PDE4DIP: variants seen among roughly 807,000 people sequenced by gnomAD.
PDE4DIP encodes the protein phosphodiesterase 4D interacting protein, also known as myomegalin.
A neutral mutation model predicts 221.4 loss-of-function variants in PDE4DIP; 59 were observed. That is an observed-to-expected ratio of 0.27 (90% CI 0.22 to 0.33). The LOEUF (loss-of-function observed/expected upper bound fraction) is 0.33, where lower values mean the gene tolerates loss of function less well. Among genes scored for constraint, PDE4DIP ranks in the 10% least tolerant of loss-of-function variants. The pLI is 1.00. For missense variants in PDE4DIP, 1,036 were observed against 2,154.2 expected, an observed-to-expected ratio of 0.48 and a Z score of 10.28; for synonymous variants, 404 against 815.9, an observed-to-expected ratio of 0.50 and a Z score of 8.60.
chr1:148,934,280 C>G (rs1314771199), intron 4 of PDE4DIP, among the ~76,000 whole-genome samples: 1 of 151,960 alleles, frequency 6.6e-6, no homozygotes, highest in East Asian at 1.9e-4. Flanking sequence ...ATTTTCCCTA[C>G]TAGGTTCCCC....
intron 1 of PDE4DIP, among the ~76,000 whole-genome samples, chr1:148,924,119 C>T (rs1462769180): frequency 1.3e-5 from 2 of 152,170 alleles, no homozygotes; most frequent in South Asian, 2.1e-4. Flanking sequence ...AAATATGAAG[C>T]ATTTACACGG....
intron 4 of PDE4DIP, 107 bp from the exon 8 acceptor site, chr1:148,937,640 T>C: frequency 1.6e-6 from 1 of 618,888 alleles, no homozygotes; most frequent in Admixed American, 2.6e-5. Flanking sequence ...TCCAAAAGGA[T>C]AAAAACCTGC....
At chr1:149,017,505 C>G (rs1183961139) in intron 33 of PDE4DIP, 17 of 417,854 alleles carry the variant, frequency 4.1e-5, no homozygotes, top group Admixed American at 3.6e-4. Flanking sequence ...TCTCACAAGA[C>G]CCCTGTGTGG....
chr1:149,021,871 TC>T (rs1201458781), intron 37 of PDE4DIP: 12 of 142,834 alleles, frequency 8.4e-5, no homozygotes, highest in Non-Finnish European at 1.7e-4. Flanking sequence ...GAAATAATAA[TC>T]TAATATTTGA....
chr1:148,987,295 A>G (rs2062079798), intron 21 of PDE4DIP, among the ~76,000 whole-genome samples: 1 of 152,150 alleles, frequency 6.6e-6, no homozygotes, highest in Non-Finnish European at 1.5e-5. Flanking sequence ...ACTATGGAGG[A>G]CTATATGGAA....
At chr1:148,934,778 A>C (rs1486458655) in intron 4 of PDE4DIP, among the ~76,000 whole-genome samples, 1 of 151,436 alleles carries the variant, frequency 6.6e-6, no homozygotes, top group Non-Finnish European at 1.5e-5. Context: ...TAATTTTTGT[A>C]TTTTTAGTAG....
chr1:148,963,233 A>G (rs1341967039), intron 9 of PDE4DIP, among the ~76,000 whole-genome samples: 11 of 152,220 alleles, frequency 7.2e-5, no homozygotes, highest in Admixed American at 7.2e-4. Context: ...TGTAATTTGT[A>G]TGTAAACCTT....
chr1:148,972,518 T>C, exon 16 of PDE4DIP: 1 of 563,882 alleles, frequency 1.8e-6, no homozygotes, highest in Non-Finnish European at 3.1e-6. Context: ...TAGGGTTCAA[T>C]GCAGATACCT....
At chr1:148,821,024 C>T (rs12088594) in intron 1 of PDE4DIP, among the ~76,000 whole-genome samples, 1 of 150,216 alleles carries the variant, frequency 6.7e-6, no homozygotes, top group Non-Finnish European at 1.5e-5. Context: ...GCTAATTTTT[C>T]GTATTTTCAG....
chr1:148,956,207 T>C (rs2055280793), intron 5 of PDE4DIP, among the ~76,000 whole-genome samples: 1 of 152,062 alleles, frequency 6.6e-6, no homozygotes, highest in African/African-American at 2.4e-5. Flanking sequence ...AAAAAATGTT[T>C]CCTTTAGTTC....
intron 32 of PDE4DIP, among the ~76,000 whole-genome samples, chr1:149,014,029 T>C (rs1698602): frequency 2.0e-5 from 3 of 152,052 alleles, no homozygotes; most frequent in African/African-American, 7.2e-5. Context: ...CTCAAGTGAT[T>C]GGCCCACCTT....
intron 5 of PDE4DIP, chr1:148,952,014 G>C (rs2053461613): frequency 3.0e-6 from 3 of 988,570 alleles, no homozygotes; most frequent in African/African-American, 3.5e-5. Flanking sequence ...GTACCTAGCG[G>C]CGCTGCCCCG....
Position 149,009,556 on chromosome 1 carries a change from T to C in PDE4DIP, c.4704-12T>C. Reference sequence around the variant, plus strand: ...CCTTGGTTTTACCCGTTGTCCCCCTTCTCCCCACCAGGCTCAGCAGGGAGC... The same window carrying C: ...CCTTGGTTTTACCCGTTGTCCCCCTCCTCCCCACCAGGCTCAGCAGGGAGC... On this transcript the variant is annotated splice_polypyrimidine_tract_variant and intron_variant, in intron 29 of 43. Coordinates refer to ENST00000369354, the Ensembl canonical transcript of PDE4DIP. 5 of 1,564,602 alleles carry C rather than the reference T, an allele frequency of 3.2e-6. No homozygotes were observed. Among genetic ancestry groups the C allele is most frequent in the Non-Finnish European group, 4.4e-6 (5 of 1,139,796 alleles).
intron 14 of PDE4DIP, among the ~76,000 whole-genome samples, chr1:148,971,533 G>A (rs1368341529): frequency 6.6e-6 from 1 of 152,184 alleles, no homozygotes. Flanking sequence ...ACATTTTGAA[G>A]TGATTGCCAC....
chr1:148,820,577 AAAAG>A (rs1553359707), intron 1 of PDE4DIP, among the ~76,000 whole-genome samples: 2 of 139,252 alleles, frequency 1.4e-5, no homozygotes, highest in African/African-American at 2.7e-5. Context: ...AAAAAAAAAA[AAAAG>A]AAAGAAAGTA....
chr1:148,832,698 T>A (rs1169660640), intron 1 of PDE4DIP, among the ~76,000 whole-genome samples: 1 of 152,074 alleles, frequency 6.6e-6, no homozygotes, highest in East Asian at 1.9e-4. Flanking sequence ...AATCATATGG[T>A]TTTTGTCACT....
At position 148,979,723 on chromosome 1, in the gene PDE4DIP, T is replaced by G; in HGVS notation, c.2575-14T>G. 6.2e-7 allele frequency: 1 copy of G among 1,610,666 alleles called. No individual in the cohort carries two copies. The highest frequency in any genetic ancestry group is 8.5e-7 in the Non-Finnish European group (1 of 1,177,606). On this transcript the variant is annotated splice_polypyrimidine_tract_variant and intron_variant, in intron 19 of 43. Transcript: ENST00000369354. ...TGCCATTTGCGTATTGCTTCCTCTC[T>G]CTTCTTTACTCAGTTGCTGCTGATG...
At chr1:148,940,775 C>A (rs587739958) in intron 5 of PDE4DIP, among the ~76,000 whole-genome samples, 1 of 148,066 alleles carries the variant, frequency 6.8e-6, no homozygotes, top group Non-Finnish European at 1.5e-5. Flanking sequence ...TTTGGGTCTA[C>A]GTCTTATGGG....
chr1:148,989,803 C>G (rs1231853041), intron 21 of PDE4DIP, among the ~76,000 whole-genome samples: 2 of 152,172 alleles, frequency 1.3e-5, no homozygotes, highest in Non-Finnish European at 2.9e-5. Context: ...GAAAGATTTT[C>G]CAAAGTAAGC....
Sources: gnomAD v4.1 joint callset for allele counts (sites outside exome capture counted in the v4.1 genomes callset) on GRCh38, gnomAD v4.1.1 for gene constraint, MANE v1.5 for transcripts, NCBI Gene and HGNC (gene_info 2026-07-23, HGNC 2026-07-21) for gene names.